HACD2: variants seen among roughly 807,000 people sequenced by gnomAD.
The protein encoded by HACD2 is 3-hydroxyacyl-CoA dehydratase 2.
HACD2 carries 15 observed loss-of-function variants against 31.0 expected under a neutral mutation model. The observed-to-expected ratio is 0.48, with a 90% CI of 0.32 to 0.75. The LOEUF (loss-of-function observed/expected upper bound fraction) is 0.75. Ranked by LOEUF, HACD2 falls within the 30% of genes least tolerant of loss-of-function variation. HACD2 has a pLI of 0.03. For missense variants in HACD2, 283 were observed against 313.0 expected, an observed-to-expected ratio of 0.90 and a Z score of 0.72; for synonymous variants, 115 against 122.2, an observed-to-expected ratio of 0.94 and a Z score of 0.39.
chr3:123,522,524 T>C (rs969782161), intron 4 of HACD2, among the ~76,000 whole-genome samples: 10 of 152,118 alleles, frequency 6.6e-5, no homozygotes, highest in Non-Finnish European at 1.3e-4. Context: ...ATGCTAAATA[T>C]AGGTAACGGC....
At chr3:123,547,303 A>G (rs1254343042) in intron 3 of HACD2, among the ~76,000 whole-genome samples, 1 of 152,242 alleles carries the variant, frequency 6.6e-6, no homozygotes, top group African/African-American at 2.4e-5. Context: ...CCCCAGATCT[A>G]AGATGAAAAT....
At chr3:123,496,135 C>G (rs2055829654) in intron 6 of HACD2, among the ~76,000 whole-genome samples, 1 of 152,154 alleles carries the variant, frequency 6.6e-6, no homozygotes, top group Admixed American at 6.6e-5. Flanking sequence ...TCAATCCTCC[C>G]CACTCAGCCT....
intron 1 of HACD2, 116 bp downstream of exon 1, chr3:123,584,757 C>G (rs965545448): frequency 1.2e-6 from 1 of 824,242 alleles, no homozygotes; most frequent in Non-Finnish European, 1.7e-6. Context: ...CGGGCACCCC[C>G]CGCCGGGAAT....
intron 4 of HACD2, among the ~76,000 whole-genome samples, chr3:123,525,321 A>C (rs886675885): frequency 7.2e-5 from 11 of 152,160 alleles, no homozygotes; most frequent in African/African-American, 2.7e-4. Context: ...GCCTCTGTGT[A>C]TTGATTCAAA....
At chr3:123,520,705 T>A (rs535765455) in intron 4 of HACD2, among the ~76,000 whole-genome samples, 1 of 152,356 alleles carries the variant, frequency 6.6e-6, no homozygotes, top group South Asian at 2.1e-4. Flanking sequence ...CTTAATTCAT[T>A]TCACTTTGAA....
At chr3:123,508,707 G>T (rs1310437210) in intron 4 of HACD2, among the ~76,000 whole-genome samples, 3 of 152,160 alleles carry the variant, frequency 2.0e-5, no homozygotes, top group Non-Finnish European at 4.4e-5. Flanking sequence ...AATCTAAGAG[G>T]GTAGGACTAG....
intron 2 of HACD2, among the ~76,000 whole-genome samples, chr3:123,568,095 A>G (rs535870803): frequency 3.4e-4 from 52 of 152,364 alleles, no homozygotes; most frequent in South Asian, 1.9e-3. Flanking sequence ...TGTAAGAGCA[A>G]TAAGTGTACA....
intron 3 of HACD2, among the ~76,000 whole-genome samples, chr3:123,540,614 A>C (rs2056478291): frequency 6.6e-6 from 1 of 152,240 alleles, no homozygotes; most frequent in Non-Finnish European, 1.5e-5. Flanking sequence ...TCTCTGTATT[A>C]TAGTTAGCAT....
chr3:123,575,770 C>A (rs2056901902), intron 2 of HACD2, among the ~76,000 whole-genome samples: 1 of 152,078 alleles, frequency 6.6e-6, no homozygotes, highest in South Asian at 2.1e-4. Flanking sequence ...AGTTTAAGGT[C>A]CCAAGTTGTT....
intron 3 of HACD2, among the ~76,000 whole-genome samples, chr3:123,542,146 CAAAAAAAAAAA>C (rs11391480): frequency 1.1e-3 from 45 of 41,094 alleles, no homozygotes; most frequent in South Asian, 1.9e-3. Context: ...GACTCCGTCT[CAAAAAAAAAAA>C]AAAAAAAAAA....
Position 123,494,937 on chromosome 3 carries a change from T to A in HACD2, c.716A>T (p.Gln239Leu). 6.4e-7 allele frequency: 1 copy of A among 1,560,422 alleles called. No individual in the cohort carries two copies. The change falls in exon 7 of 7, where the codon CAG (glutamine) becomes CTG (leucine). Residue 239 changes from glutamine to leucine, a missense_variant. This residue lies in a region of HACD2 where 40 missense variants were observed against 35.1 expected (regional missense o/e 1.14). Transcript: ENST00000383657. ...FPQLYFHMIH[Q>L]RRKILSHTEE... ...AGTATGAGAAAGGATCTTTCTTCTC[T>A]GGTGTATCATGTGGAAGTATAACTG...
intron 2 of HACD2, among the ~76,000 whole-genome samples, chr3:123,574,766 C>T (rs559500759): frequency 1.3e-5 from 2 of 152,210 alleles, no homozygotes; most frequent in Non-Finnish European, 2.9e-5. Context: ...ATACCACGCC[C>T]CTCCAGAGGT....
At chr3:123,555,564 A>G (rs1008935599) in intron 3 of HACD2, among the ~76,000 whole-genome samples, 2 of 152,226 alleles carry the variant, frequency 1.3e-5, no homozygotes, top group Admixed American at 1.3e-4. Context: ...CTGCAAAACA[A>G]TGATAAAAGA....
chr3:123,576,108 T>C (rs553816334), intron 2 of HACD2, among the ~76,000 whole-genome samples: 23 of 152,358 alleles, frequency 1.5e-4, no homozygotes, highest in African/African-American at 4.6e-4. Flanking sequence ...TTTGAAAATT[T>C]CCCTATGACT....
At chr3:123,569,141 T>C (rs2056825864) in intron 2 of HACD2, among the ~76,000 whole-genome samples, 1 of 152,094 alleles carries the variant, frequency 6.6e-6, no homozygotes, top group Non-Finnish European at 1.5e-5. Flanking sequence ...AGCTGCACAA[T>C]GTTGCTGGTA....
intron 4 of HACD2, among the ~76,000 whole-genome samples, chr3:123,517,188 T>C (rs1334090206): frequency 6.6e-6 from 1 of 152,214 alleles, no homozygotes; most frequent in African/African-American, 2.4e-5. Flanking sequence ...TACAAAGAAA[T>C]GCTTTGTGTT....
intron 2 of HACD2, among the ~76,000 whole-genome samples, chr3:123,572,535 T>C (rs1395113501): frequency 6.6e-6 from 1 of 152,086 alleles, no homozygotes; most frequent in Non-Finnish European, 1.5e-5. Context: ...ATATGAACCA[T>C]AAACTCCTCT....
At chr3:123,495,799 G>A (rs907281072) in intron 6 of HACD2, among the ~76,000 whole-genome samples, 2 of 152,102 alleles carry the variant, frequency 1.3e-5, no homozygotes, top group African/African-American at 4.8e-5. Context: ...AAGGTTACTG[G>A]CATTTGGCAT....
intron 3 of HACD2, among the ~76,000 whole-genome samples, chr3:123,562,466 T>G (rs558545056): frequency 1.3e-5 from 2 of 152,212 alleles, no homozygotes; most frequent in Non-Finnish European, 2.9e-5. Context: ...ATGAAAGAGT[T>G]ACATTTATAT....
Sources: gnomAD v4.1 joint callset for allele counts (sites outside exome capture counted in the v4.1 genomes callset) on GRCh38, gnomAD v4.1.1 for gene constraint, gnomAD v4.1.1 regional missense constraint, MANE v1.5 for transcripts, NCBI Gene and HGNC (gene_info 2026-07-23, HGNC 2026-07-21) for gene names.